The following EBPL variants were observed in gnomAD, a reference collection of about 807,000 sequenced individuals.
EBPL encodes the protein emopamil-binding protein-like.
EBPL carries 20 observed loss-of-function variants against 19.0 expected under a neutral mutation model. The ratio of observed to expected loss-of-function variants is 1.05; its 90% CI spans 0.74 to 1.53. EBPL has a LOEUF of 1.53. Ranked by LOEUF, EBPL falls within the 40% of genes most tolerant of loss-of-function variation. The pLI, the probability that EBPL is intolerant of heterozygous loss-of-function variation, is 0.00. For missense variants in EBPL, 219 were observed against 261.1 expected (o/e 0.84, Z 1.11); for synonymous variants, 107 against 117.0 (o/e 0.91, Z 0.55).
intron 2 of EBPL, among the ~76,000 whole-genome samples, chr13:49,666,381 C>T (rs1415302959): frequency 6.6e-6 from 1 of 152,068 alleles, no homozygotes; most frequent in African/African-American, 2.4e-5. Context: ...CCATCTGAGG[C>T]CCCCCTGGAT....
intron 3 of EBPL, among the ~76,000 whole-genome samples, chr13:49,662,197 C>T (rs912017973): frequency 6.6e-6 from 1 of 152,138 alleles, no homozygotes; most frequent in Admixed American, 6.5e-5. Context: ...GGGGTTTCAC[C>T]ATGTTGGCCA....
rs532804279 is a variant in EBPL, at chr13:49,669,999, ATACAATC to A, written c.172-160_172-154del. 5.6e-3 allele frequency among the ~76,000 whole-genome samples: 854 copies of A among 152,280 alleles called. 3 individuals are homozygous for A. The highest frequency in any genetic ancestry group is 8.3e-3 in the Non-Finnish European group (567 of 68,022). ...GGAAACATCCATACAACCTTGTGGG[ATACAATC>A]TTGGGACCTGGTTACCTGGACCTTG... On this transcript the variant is annotated intron_variant, in intron 1 of 3. Transcript: ENST00000242827.
chr13:49,663,039 CAGA>C lies in EBPL; in HGVS notation c.380+15_380+17del, dbSNP rs779911608. The C allele has an allele frequency of 1.9e-6, 3 of 1,612,944 alleles. No individual in the cohort carries two copies. Among genetic ancestry groups the C allele is most frequent in the Middle Eastern group, 3.8e-4 (2 of 5,208 alleles). Reference sequence around the variant, plus strand: ...AATGTCTCCCCTCCTTCCAGCAGGACAGAAGAAGGGCACCTACCGGTAATATTT... The same window carrying C: ...AATGTCTCCCCTCCTTCCAGCAGGACAGAAGGGCACCTACCGGTAATATTT... On this transcript the variant is annotated intron_variant, in intron 3 of 3. Coordinates refer to ENST00000242827, the MANE Select transcript of EBPL (RefSeq NM_032565.5).
intron 1 of EBPL, among the ~76,000 whole-genome samples, chr13:49,687,681 A>G (rs978658516): frequency 5.3e-5 from 8 of 152,190 alleles, no homozygotes; most frequent in African/African-American, 1.9e-4. Flanking sequence ...ACCAGCTCAC[A>G]ATAAGATGGA....
At chr13:49,671,726 T>C (rs900335604) in intron 1 of EBPL, among the ~76,000 whole-genome samples, 7 of 152,168 alleles carry the variant, frequency 4.6e-5, no homozygotes, top group Non-Finnish European at 1.0e-4. Flanking sequence ...GATGAAGGAC[T>C]TCCTTCCTAT....
intron 1 of EBPL, among the ~76,000 whole-genome samples, chr13:49,678,497 C>T (rs961469465): frequency 2.6e-5 from 4 of 152,358 alleles, no homozygotes; most frequent in East Asian, 1.9e-4. Context: ...GAGCGCAGCG[C>T]GGACGGGCCA....
At chr13:49,661,844 A>G in intron 3 of EBPL, 1 of 1,550,294 alleles carries the variant, frequency 6.5e-7, no homozygotes, top group Non-Finnish European at 8.7e-7. Flanking sequence ...GATGGTGGAA[A>G]ATGGAATGCA....
At chr13:49,680,553 T>C (rs1035600680) in intron 1 of EBPL, among the ~76,000 whole-genome samples, 8 of 152,084 alleles carry the variant, frequency 5.3e-5, no homozygotes, top group African/African-American at 1.7e-4. Flanking sequence ...AAAAGATACA[T>C]AGGCTTATGC....
intron 1 of EBPL, among the ~76,000 whole-genome samples, chr13:49,675,330 C>G (rs1047707733): frequency 6.6e-6 from 1 of 152,240 alleles, no homozygotes; most frequent in Non-Finnish European, 1.5e-5. Context: ...AACATTATGA[C>G]AGCTATGATG....
intron 1 of EBPL, among the ~76,000 whole-genome samples, chr13:49,677,550 A>C (rs1953890041): frequency 6.6e-6 from 1 of 152,164 alleles, no homozygotes; most frequent in African/African-American, 2.4e-5. Context: ...CCATGCAAAA[A>C]CAAACAAACT....
chr13:49,666,886 TAAAAAAAAAA>T (rs1965237312), intron 2 of EBPL, among the ~76,000 whole-genome samples: 1 of 140,164 alleles, frequency 7.1e-6, no homozygotes, highest in African/African-American at 2.7e-5. Context: ...GAGACTCTGT[TAAAAAAAAAA>T]GAAAAAAAAA....
chr13:49,678,809 G>A (rs1205564709), intron 1 of EBPL, among the ~76,000 whole-genome samples: 1 of 151,924 alleles, frequency 6.6e-6, no homozygotes, highest in Non-Finnish European at 1.5e-5. Context: ...AGCGAGTGAG[G>A]CCTGTTAGCA....
chr13:49,669,357 C>T (rs887892011), intron 2 of EBPL, among the ~76,000 whole-genome samples: 15 of 152,152 alleles, frequency 9.9e-5, no homozygotes, highest in Non-Finnish European at 1.9e-4. Context: ...TGCACCACCA[C>T]ACCTGGCTCA....
intron 2 of EBPL, among the ~76,000 whole-genome samples, chr13:49,663,710 G>A (rs1379500633): frequency 6.6e-6 from 1 of 151,854 alleles, no homozygotes; most frequent in Admixed American, 6.6e-5. Context: ...GGCCAAGGCG[G>A]GCAGATCACG....
At chr13:49,688,906 C>T (rs949565375) in intron 1 of EBPL, among the ~76,000 whole-genome samples, 8 of 152,076 alleles carry the variant, frequency 5.3e-5, no homozygotes, top group African/African-American at 1.9e-4. Context: ...TTTCTTGCAG[C>T]CTCAACTGCT....
chr13:49,683,815 A>C (rs746092647), intron 1 of EBPL, among the ~76,000 whole-genome samples: 7 of 152,210 alleles, frequency 4.6e-5, no homozygotes, highest in Non-Finnish European at 8.8e-5. Flanking sequence ...TACTAAACTG[A>C]AAGAATCCCA....
chr13:49,663,787 A>C (rs1184683033), intron 2 of EBPL, among the ~76,000 whole-genome samples: 3 of 151,832 alleles, frequency 2.0e-5, no homozygotes, highest in Non-Finnish European at 4.4e-5. Flanking sequence ...AATACAAAAA[A>C]TTAGCCAGGC....
At chr13:49,689,452 C>T (rs945853071) in intron 1 of EBPL, among the ~76,000 whole-genome samples, 4 of 152,106 alleles carry the variant, frequency 2.6e-5, no homozygotes, top group African/African-American at 9.7e-5. Context: ...CAGGTTCAAG[C>T]AATTCTCCTG....
intron 1 of EBPL, among the ~76,000 whole-genome samples, chr13:49,687,500 A>G (rs1022086652): frequency 6.6e-6 from 1 of 152,186 alleles, no homozygotes; most frequent in African/African-American, 2.4e-5. Context: ...AGACATTTAT[A>G]TCAATTTTAA....
Sources: allele counts gnomAD v4.1 joint callset (sites outside exome capture counted in the v4.1 genomes callset), GRCh38; gene constraint gnomAD v4.1.1; transcripts MANE v1.5; gene names NCBI Gene and HGNC (gene_info 2026-07-23, HGNC 2026-07-21).